The following FAF1 variants were observed in gnomAD, a reference collection of about 807,000 sequenced individuals.
The protein encoded by FAF1 is FAS-associated factor 1.
Under a neutral mutation model 92.5 loss-of-function variants are expected in FAF1, and 25 were observed. The ratio of observed to expected loss-of-function variants is 0.27; its 90% CI spans 0.20 to 0.38. The LOEUF is 0.38. Among genes scored for constraint, FAF1 ranks in the 10% least tolerant of loss-of-function variants. The probability of loss-of-function intolerance (pLI) is 1.00; values close to 1 mark genes in which losing one functional copy is unlikely to be tolerated. For synonymous variants in FAF1, 234 were observed against 273.2 expected, an observed-to-expected ratio of 0.86 and a Z score of 1.42; for missense variants, 636 against 793.3, an observed-to-expected ratio of 0.80 and a Z score of 2.38.
intron 6 of FAF1, among the ~76,000 whole-genome samples, chr1:50,709,307 T>C (rs1392373387): frequency 6.6e-6 from 1 of 152,178 alleles, no homozygotes; most frequent in Non-Finnish European, 1.5e-5. Flanking sequence ...ACATACTTTA[T>C]TGTCTTGTAC....
intron 15 of FAF1, among the ~76,000 whole-genome samples, chr1:50,514,166 T>C (rs1171238904): frequency 6.6e-6 from 1 of 152,250 alleles, no homozygotes; most frequent in Non-Finnish European, 1.5e-5. Flanking sequence ...TCCAGCCTTA[T>C]ATTATTCTGC....
chr1:50,643,076 C>T (rs1216759349), intron 8 of FAF1, among the ~76,000 whole-genome samples: 9 of 152,128 alleles, frequency 5.9e-5, no homozygotes, highest in South Asian at 2.1e-4. Flanking sequence ...GTGATCCGCC[C>T]GCCTCGGCCT....
At chr1:50,470,443 C>A (rs893930179) in intron 18 of FAF1, among the ~76,000 whole-genome samples, 15 of 152,286 alleles carry the variant, frequency 9.8e-5, no homozygotes, top group Admixed American at 9.8e-4. Flanking sequence ...GCCTTCATAT[C>A]TCTGAGATCC....
At chr1:50,538,759 T>C (rs935476576) in intron 14 of FAF1, among the ~76,000 whole-genome samples, 4 of 152,142 alleles carry the variant, frequency 2.6e-5, no homozygotes, top group African/African-American at 9.7e-5. Flanking sequence ...TGGAGGTCTT[T>C]TTAAACACTG....
At chr1:50,599,473 A>G (rs1221592412) in intron 8 of FAF1, among the ~76,000 whole-genome samples, 1 of 152,206 alleles carries the variant, frequency 6.6e-6, no homozygotes, top group African/African-American at 2.4e-5. Context: ...GTACTTCAGC[A>G]CAAATTAAGG....
intron 2 of FAF1, among the ~76,000 whole-genome samples, chr1:50,830,917 CA>C (rs1372062584): frequency 6.6e-6 from 1 of 151,968 alleles, no homozygotes; most frequent in Non-Finnish European, 1.5e-5. Flanking sequence ...TGAAAACCAC[CA>C]AAACATTTTT....
chr1:50,880,425 G>T (rs1644602597), intron 1 of FAF1, among the ~76,000 whole-genome samples: 1 of 152,140 alleles, frequency 6.6e-6, no homozygotes, highest in Non-Finnish European at 1.5e-5. Context: ...TCCCAATGTG[G>T]CTGGCCGTAT....
intron 8 of FAF1, among the ~76,000 whole-genome samples, chr1:50,654,756 T>C (rs1655026258): frequency 6.6e-6 from 1 of 152,194 alleles, no homozygotes; most frequent in African/African-American, 2.4e-5. Context: ...GAAAATGTTT[T>C]TGCCTTGAAC....
chr1:50,515,078 C>T (rs966398696), intron 15 of FAF1, among the ~76,000 whole-genome samples: 1 of 152,126 alleles, frequency 6.6e-6, no homozygotes, highest in Non-Finnish European at 1.5e-5. Context: ...AAGATGTAGG[C>T]CCTGTGTTAG....
chr1:50,452,144 T>C lies in FAF1; in HGVS notation c.1870-10621A>G, dbSNP rs111716460. ...GAGAATAAAGAACATAAAATGAATA[T>C]ACAAAGAACGAGAACAGGCATGTTT... is the stretch of plus-strand genomic sequence containing the variant. On this transcript the variant is annotated intron_variant, in intron 18 of 18. Transcript: ENST00000396153. 313 of 1,349,606 alleles carry C rather than the reference T, an allele frequency of 2.3e-4. 2 individuals carry two copies. In the African/African-American group the frequency reaches 3.5e-3, roughly 15 times the overall value. The allele number at this position is 1,349,606 out of a possible 1,614,324, so 83.6% of individuals were successfully genotyped here. A position where few individuals can be genotyped will look rare whatever the true frequency, so the allele number is the denominator to read the frequency against.
chr1:50,907,933 T>C (rs1325284173), intron 1 of FAF1, among the ~76,000 whole-genome samples: 1 of 152,198 alleles, frequency 6.6e-6, no homozygotes, highest in African/African-American at 2.4e-5. Flanking sequence ...GTGTTTGCTC[T>C]TGCTTATCTA....
At chr1:50,449,750 A>T (rs1452257334) in intron 18 of FAF1, among the ~76,000 whole-genome samples, 2 of 151,546 alleles carry the variant, frequency 1.3e-5, no homozygotes, top group Admixed American at 6.6e-5. Context: ...GGCCTCCCAA[A>T]GTGCTGGAAT....
In FAF1 at chr1:50,883,288, T is replaced by C. The variant is rs947463677; in HGVS notation, c.46-25291A>G. Reference sequence around the variant, plus strand: ...AATACACTGAATAAATAAAAATCCATGTTGATTCTTTTAAAAATGGATTTT... The same window carrying C: ...AATACACTGAATAAATAAAAATCCACGTTGATTCTTTTAAAAATGGATTTT... On this transcript the variant is annotated intron_variant, in intron 1 of 18. Coordinates refer to ENST00000396153, the MANE Select transcript of FAF1 (RefSeq NM_007051.3). Among the ~76,000 whole-genome samples, 7 of 152,340 alleles carry C rather than the reference T, an allele frequency of 4.6e-5. No homozygotes were observed. The East Asian group carries it at 5.8e-4, about 13-fold the overall frequency.
chr1:50,512,876 CTCTTTT>C (rs1044245862), intron 15 of FAF1, among the ~76,000 whole-genome samples: 4 of 152,070 alleles, frequency 2.6e-5, no homozygotes, highest in Non-Finnish European at 4.4e-5. Flanking sequence ...AGCAAGGTTT[CTCTTTT>C]TATTTTCACT....
chr1:50,818,774 T>C (rs111701702), intron 2 of FAF1, among the ~76,000 whole-genome samples: 10,049 of 152,054 alleles, frequency 0.066, 413 homozygotes, highest in East Asian at 0.094. Context: ...GAGGCAGAGC[T>C]TGCAGTGAGC....
At chr1:50,925,878 T>C (rs1270043583) in intron 1 of FAF1, among the ~76,000 whole-genome samples, 9 of 152,056 alleles carry the variant, frequency 5.9e-5, no homozygotes, top group Admixed American at 5.9e-4. Flanking sequence ...TAAAGAAAAA[T>C]GTGGTTTATA....
At chr1:50,908,855 G>A (rs997170284) in intron 1 of FAF1, among the ~76,000 whole-genome samples, 8 of 152,098 alleles carry the variant, frequency 5.3e-5, no homozygotes, top group Non-Finnish European at 7.4e-5. Flanking sequence ...CTTTTAATTG[G>A]AGCATTTAGC....
chr1:50,784,322 AAAT>A (rs1661288285), intron 4 of FAF1, among the ~76,000 whole-genome samples: 1 of 152,296 alleles, frequency 6.6e-6, no homozygotes, highest in East Asian at 1.9e-4. Flanking sequence ...TAGAACTAAT[AAAT>A]AATACAAAAT....
chr1:50,664,320 C>T (rs1466555937), intron 7 of FAF1, among the ~76,000 whole-genome samples: 1 of 149,738 alleles, frequency 6.7e-6, no homozygotes, highest in African/African-American at 2.5e-5. Flanking sequence ...CTGTCTCAAG[C>T]TTAAGTGTGA....
Sources: allele counts gnomAD v4.1 joint callset (sites outside exome capture counted in the v4.1 genomes callset), GRCh38; gene constraint gnomAD v4.1.1; transcripts MANE v1.5; gene names NCBI Gene and HGNC (gene_info 2026-07-23, HGNC 2026-07-21).